CDH11: variants seen among roughly 807,000 people sequenced by gnomAD.
The protein encoded by CDH11 is cadherin-11.
A neutral mutation model predicts 67.8 loss-of-function variants in CDH11; 11 were observed. That is an observed-to-expected ratio of 0.16 (90% CI 0.10 to 0.27). The LOEUF is 0.27. CDH11 is among the 10% of genes least tolerant of loss of function. The pLI, the probability that CDH11 is intolerant of heterozygous loss-of-function variation, is 1.00. For missense variants in CDH11, 847 were observed against 1,031.2 expected, an observed-to-expected ratio of 0.82 and a Z score of 2.45; for synonymous variants, 419 against 400.0, an observed-to-expected ratio of 1.05 and a Z score of -0.57.
intron 6 of CDH11, among the ~76,000 whole-genome samples, chr16:64,988,658 T>C (rs1373064395): frequency 6.6e-6 from 1 of 152,186 alleles, no homozygotes; most frequent in Non-Finnish European, 1.5e-5. Flanking sequence ...ACCATGCATG[T>C]CTTCATTTAG....
chr16:65,047,369 T>C (rs1274713588), intron 2 of CDH11, among the ~76,000 whole-genome samples: 1 of 151,938 alleles, frequency 6.6e-6, no homozygotes, highest in Non-Finnish European at 1.5e-5. Context: ...GTTTTTTTTT[T>C]TAGATGGAGT....
At chr16:65,006,579 C>A (rs925958804) in intron 2 of CDH11, among the ~76,000 whole-genome samples, 1 of 152,148 alleles carries the variant, frequency 6.6e-6, no homozygotes, top group African/African-American at 2.4e-5. Context: ...CCCATACAGG[C>A]CTGAACACAG....
rs752325229 is a variant in CDH11 at position 64,947,908 on chromosome 16, T to C, written c.2086A>G (p.Ile696Val). The C allele has an allele frequency of 6.2e-7, 1 of 1,614,080 alleles. No individual in the cohort carries two copies. ...GGCATGTACTGATACTCAGGTTTGA[T>C]GTCTTTGCGGGGGATAAATCCATTG... ...GINGFIPRKD[I>V]KPEYQYMPRP... The change falls in exon 13 of 13, where the codon ATC (isoleucine) becomes GTC (valine). Residue 696 changes from isoleucine (I) to valine (V), a missense_variant. Ile to Val is a conservative substitution (Grantham distance 29). Transcript: ENST00000268603.
intron 2 of CDH11, among the ~76,000 whole-genome samples, chr16:65,044,978 G>A (rs1037395174): frequency 3.3e-5 from 5 of 152,024 alleles, no homozygotes; most frequent in African/African-American, 1.2e-4. Context: ...CCTCCCTGGT[G>A]GGGGCTTGTG....
intron 1 of CDH11, among the ~76,000 whole-genome samples, chr16:65,087,911 T>C (rs1205742171): frequency 1.3e-5 from 2 of 152,194 alleles, no homozygotes; most frequent in Non-Finnish European, 2.9e-5. Flanking sequence ...CATGGAAGAA[T>C]ATCGTGGAAA....
intron 1 of CDH11, among the ~76,000 whole-genome samples, chr16:65,082,517 G>T (rs1312931930): frequency 6.6e-6 from 1 of 151,126 alleles, no homozygotes; most frequent in African/African-American, 2.5e-5. Context: ...CTCTCTGACT[G>T]GTCATTGTAG....
chr16:65,041,750 T>C (rs372320882), intron 2 of CDH11, among the ~76,000 whole-genome samples: 1 of 152,218 alleles, frequency 6.6e-6, no homozygotes, highest in African/African-American at 2.4e-5. Context: ...CTGAACTACA[T>C]GTCAGCCCCA....
At chr16:65,056,951 G>T (rs2074153889) in intron 1 of CDH11, among the ~76,000 whole-genome samples, 1 of 152,134 alleles carries the variant, frequency 6.6e-6, no homozygotes, top group Admixed American at 6.5e-5. Context: ...AATAGATGGT[G>T]AATTGTCTAT....
chr16:64,955,077 T>C (rs2071472876), intron 11 of CDH11, among the ~76,000 whole-genome samples: 1 of 151,718 alleles, frequency 6.6e-6, no homozygotes, highest in African/African-American at 2.4e-5. Flanking sequence ...AAACACCGTC[T>C]CTACTAAAAA....
At chr16:64,999,859 G>A (rs145586031) in intron 3 of CDH11, among the ~76,000 whole-genome samples, 20 of 152,158 alleles carry the variant, frequency 1.3e-4, no homozygotes, top group African/African-American at 3.9e-4. Context: ...TTTGTTGTTC[G>A]TTTTAGCAGT....
rs2075338572 is a variant in CDH11 at position 65,121,890 on chromosome 16, T to C, written c.-308A>G. On this transcript the variant is annotated 5_prime_UTR_variant, in exon 1 of 13. Coordinates refer to ENST00000268603, the MANE Select transcript of CDH11 (RefSeq NM_001797.4). This position sits in a 1 kb window ranked among gnomAD's most constrained non-coding sequence, Gnocchi z 4.1. ...GGCGGCGCACCTCACCTGGGGCCCT[T>C]GAGGGTGGACGCAACCTCCGAGCCG... 1 of 701,184 alleles carries C rather than the reference T, an allele frequency of 1.4e-6. No individual in the cohort carries two copies. The allele number at this position is 701,184 out of a possible 1,614,324, so 43.4% of individuals were successfully genotyped here. A position where few individuals can be genotyped will look rare whatever the true frequency, so the allele number is the denominator to read the frequency against.
At position 64,945,684 on chromosome 16, in the gene CDH11, T is replaced by C. The variant is rs1166628816; in HGVS notation, c.*1919A>G. On this transcript the variant is annotated 3_prime_UTR_variant, in exon 13 of 13. Coordinates refer to ENST00000268603, the MANE Select transcript of CDH11 (RefSeq NM_001797.4). ...AAAGTGACATTGTCCACAAAATGTA[T>C]TCCATTGAAGTGTTCAGCCCAATTT... 1 of 1,038,992 alleles carries C rather than the reference T, an allele frequency of 9.6e-7. No homozygotes were observed. The highest frequency in any genetic ancestry group is 1.2e-6 in the Non-Finnish European group (1 of 862,586). 64.4% of individuals were successfully genotyped at this position (1,038,992 alleles called of 1,614,324 possible).
chr16:64,973,922 A>C (rs1006288081), intron 8 of CDH11, among the ~76,000 whole-genome samples: 2 of 152,206 alleles, frequency 1.3e-5, no homozygotes, highest in Non-Finnish European at 2.9e-5. Context: ...GTAATGTACA[A>C]AGTAAGCTTG....
chr16:65,096,105 T>C (rs2074885889), intron 1 of CDH11, among the ~76,000 whole-genome samples: 2 of 152,222 alleles, frequency 1.3e-5, no homozygotes, highest in Admixed American at 1.3e-4. Context: ...GAAGTCAGAT[T>C]GAATACATAA....
intron 3 of CDH11, among the ~76,000 whole-genome samples, chr16:65,000,775 C>T (rs1489537041): frequency 6.6e-6 from 1 of 152,006 alleles, no homozygotes; most frequent in Non-Finnish European, 1.5e-5. Flanking sequence ...TACCACTGTA[C>T]TCCAGCCTGG....
At chr16:64,991,397 C>T in intron 6 of CDH11, 1 of 179,612 alleles carries the variant, frequency 5.6e-6, no homozygotes, top group South Asian at 1.7e-4. Context: ...CAATTTGTTA[C>T]ACAGTAATTG....
At chr16:64,980,708 A>G (rs1052762858) in intron 8 of CDH11, among the ~76,000 whole-genome samples, 1 of 152,268 alleles carries the variant, frequency 6.6e-6, no homozygotes, top group African/African-American at 2.4e-5. Context: ...CCATTTAATC[A>G]TTAATTTTTT....
intron 1 of CDH11, among the ~76,000 whole-genome samples, chr16:65,103,986 A>G (rs2075031218): frequency 1.3e-5 from 2 of 152,284 alleles, no homozygotes; most frequent in Admixed American, 6.5e-5. Flanking sequence ...ATTTTAAACT[A>G]AATATGTGAA....
At chr16:64,972,701 C>T (rs542939349) in intron 9 of CDH11, among the ~76,000 whole-genome samples, 1 of 152,300 alleles carries the variant, frequency 6.6e-6, no homozygotes, top group Non-Finnish European at 1.5e-5. Context: ...AGTCTATACC[C>T]AGTTCTGTCA....
Sources: allele counts gnomAD v4.1 joint callset (sites outside exome capture counted in the v4.1 genomes callset), GRCh38; gene constraint gnomAD v4.1.1; non-coding constraint Gnocchi (gnomAD v3.1); transcripts MANE v1.5; gene names NCBI Gene and HGNC (gene_info 2026-07-23, HGNC 2026-07-21).